Variants in ANK2 observed in about 807,000 individuals in gnomAD.
The protein encoded by ANK2 is ankyrin-2.
A neutral mutation model predicts 360.5 loss-of-function variants in ANK2; 83 were observed. The observed-to-expected ratio is 0.23, with a 90% CI of 0.19 to 0.28. The LOEUF is 0.28. ANK2 is among the 10% of genes least tolerant of loss of function. The probability of loss-of-function intolerance (pLI) is 1.00; values close to 1 mark genes in which losing one functional copy is unlikely to be tolerated. For synonymous variants in ANK2, 1,740 were observed against 1,759.5 expected (o/e 0.99, Z 0.28); for missense variants, 4,201 against 4,795.7 (o/e 0.88, Z 3.66).
chr4:112,837,396 C>T (rs1159996566), intron 1 of ANK2, among the ~76,000 whole-genome samples: 3 of 152,328 alleles, frequency 2.0e-5, no homozygotes, highest in African/African-American at 4.8e-5. Flanking sequence ...GCCCTCATGG[C>T]GAACCTCTGC....
chr4:113,183,227 A>G (rs575993358), intron 2 of ANK2, among the ~76,000 whole-genome samples: 1 of 151,628 alleles, frequency 6.6e-6, no homozygotes, highest in Non-Finnish European at 1.5e-5. Flanking sequence ...AGAGGAGGGG[A>G]TGGAGGTGGA....
At chr4:112,999,196 C>T (rs559688873) in intron 2 of ANK2, among the ~76,000 whole-genome samples, 85 of 152,186 alleles carry the variant, frequency 5.6e-4, no homozygotes, top group African/African-American at 1.9e-3. Context: ...ATAATTTCTT[C>T]GTGATTGAGA....
intron 14 of ANK2, 32 bp from the exon 15 acceptor site, chr4:113,274,420 G>A (rs1468281287): frequency 9.3e-6 from 15 of 1,607,556 alleles, no homozygotes; most frequent in East Asian, 2.2e-5. Context: ...CTGTCTGCCC[G>A]GCACTAACTT....
chr4:113,298,985 T>G (rs973360703), intron 22 of ANK2, among the ~76,000 whole-genome samples: 1 of 152,228 alleles, frequency 6.6e-6, no homozygotes, highest in Non-Finnish European at 1.5e-5. Context: ...GTCAAATACC[T>G]TCTCATGTAT....
intron 2 of ANK2, among the ~76,000 whole-genome samples, chr4:113,193,909 A>G (rs756997478): frequency 3.9e-5 from 6 of 152,202 alleles, no homozygotes; most frequent in Non-Finnish European, 5.9e-5. Flanking sequence ...AGTTAGTTGT[A>G]CTTTTCTGAT....
intron 1 of ANK2, among the ~76,000 whole-genome samples, chr4:112,839,607 C>T (rs965442743): frequency 2.6e-5 from 4 of 152,098 alleles, no homozygotes; most frequent in African/African-American, 9.7e-5. Context: ...AGATTTGGAG[C>T]ATCAAAAACT....
Position 113,255,629 on chromosome 4 carries a change from C to T in ANK2, c.991-106C>T, listed in dbSNP as rs1026393977. On this transcript the variant is annotated intron_variant, in intron 10 of 45. Transcript: ENST00000357077. ...TGTCAAATGGAAATTATTTTTTCCCCTGCCACTAACTGTGTTAGAGATCAA... is the reference window on the plus strand; with the variant it reads ...TGTCAAATGGAAATTATTTTTTCCCTTGCCACTAACTGTGTTAGAGATCAA... 4 of 1,134,332 alleles carry T rather than the reference C, an allele frequency of 3.5e-6. No homozygotes were observed. The African/African-American group carries it at 4.7e-5, about 13-fold the overall frequency. The allele number at this position is 1,134,332 out of a possible 1,614,324, so 70.3% of individuals were successfully genotyped here.
intron 1 of ANK2, among the ~76,000 whole-genome samples, chr4:113,064,816 A>T (rs1249489153): frequency 3.5e-4 from 7 of 20,068 alleles, no homozygotes; most frequent in East Asian, 3.3e-3. Context: ...TTCTAACAAA[A>T]ATGTTAGAAA....
intron 20 of ANK2, among the ~76,000 whole-genome samples, chr4:113,289,866 C>T (rs1009390111): frequency 1.3e-5 from 2 of 152,166 alleles, no homozygotes; most frequent in African/African-American, 4.8e-5. Context: ...TATGAATTCT[C>T]AGGCATTAGC....
chr4:112,726,867 A>AG, the ANK2 span, among the ~76,000 whole-genome samples: 2 of 151,708 alleles, frequency 1.3e-5, no homozygotes, highest in East Asian at 3.9e-4. Flanking sequence ...AAAAAAAAAA[A>AG]AAAGAATTCT....
the ANK2 span, among the ~76,000 whole-genome samples, chr4:112,761,734 C>T: frequency 5.3e-5 from 8 of 152,334 alleles, no homozygotes; most frequent in East Asian, 9.6e-4. Context: ...AAATGCTTGT[C>T]ATCTTCCTCT....
At chr4:113,042,938 G>A (rs530231493) in intron 2 of ANK2, among the ~76,000 whole-genome samples, 3 of 152,208 alleles carry the variant, frequency 2.0e-5, no homozygotes, top group East Asian at 3.9e-4. Flanking sequence ...CTCCTACAGA[G>A]GGTGTTACTG....
At chr4:112,960,560 A>G (rs2034266618) in intron 2 of ANK2, among the ~76,000 whole-genome samples, 1 of 152,224 alleles carries the variant, frequency 6.6e-6, no homozygotes, top group African/African-American at 2.4e-5. Flanking sequence ...AAAATAAACT[A>G]TTAGTCTCCG....
At chr4:112,821,719 C>T (rs536702145) in intron 1 of ANK2, among the ~76,000 whole-genome samples, 1 of 150,966 alleles carries the variant, frequency 6.6e-6, no homozygotes, top group South Asian at 2.1e-4. Flanking sequence ...AATCACATAC[C>T]ACGAGAACAT....
At chr4:113,188,581 A>T (rs185912602) in intron 2 of ANK2, among the ~76,000 whole-genome samples, 1 of 152,344 alleles carries the variant, frequency 6.6e-6, no homozygotes, top group East Asian at 1.9e-4. Flanking sequence ...AAGCATGATC[A>T]AGAACAAAAA....
intron 1 of ANK2, among the ~76,000 whole-genome samples, chr4:112,885,354 C>G (rs1335757851): frequency 6.6e-6 from 1 of 150,886 alleles, no homozygotes; most frequent in Non-Finnish European, 1.5e-5. Context: ...TAAAAATTAG[C>G]TGGGTGTGGA....
chr4:113,282,859 A>T lies in ANK2; in HGVS notation c.2066A>T (p.His689Leu). 6.2e-7 allele frequency: 1 copy of T among 1,614,002 alleles called. No homozygotes were observed. The highest frequency in any genetic ancestry group is 8.5e-7 in the Non-Finnish European group (1 of 1,179,932). ...CTTCTGGATAAGGGAGCCAATATCC[A>T]CATGTCAACTAAGGTATTCTGTCCT... ...TLLLDKGANI[H>L]MSTKSGLTSL... The change falls in exon 18 of 46, where the codon CAC (histidine) becomes CTC (leucine). Residue 689 changes from histidine to leucine, a missense_variant. By Grantham distance (99) the His-to-Leu change is moderately conservative. Transcript: ENST00000357077.
intron 1 of ANK2, chr4:113,151,274 A>G (rs1160495323): frequency 3.7e-6 from 2 of 543,140 alleles, no homozygotes; most frequent in Non-Finnish European, 5.6e-6. Flanking sequence ...TAGCTACAAA[A>G]GAATACCCGA....
At chr4:112,750,117 G>A in the ANK2 span, among the ~76,000 whole-genome samples, 3 of 151,914 alleles carry the variant, frequency 2.0e-5, no homozygotes, top group Non-Finnish European at 4.4e-5. Context: ...TCTGCTGTCA[G>A]GCTGGCATGC....
Sources: gnomAD v4.1 joint callset for allele counts (sites outside exome capture counted in the v4.1 genomes callset) on GRCh38, gnomAD v4.1.1 for gene constraint, MANE v1.5 for transcripts, NCBI Gene and HGNC (gene_info 2026-07-23, HGNC 2026-07-21) for gene names.